Variants in PDE7B observed in about 807,000 individuals in gnomAD.
The protein encoded by PDE7B is 3',5'-cyclic-AMP phosphodiesterase 7B.
A neutral mutation model predicts 56.2 loss-of-function variants in PDE7B; 29 were observed. The observed-to-expected ratio is 0.52, with a 90% CI of 0.38 to 0.70. The LOEUF is 0.70. PDE7B is among the 30% of genes least tolerant of loss of function. PDE7B has a pLI of 0.00. For missense variants in PDE7B, 490 were observed against 565.0 expected, an observed-to-expected ratio of 0.87 and a Z score of 1.35; for synonymous variants, 197 against 196.9, an observed-to-expected ratio of 1.00 and a Z score of 0.00.
At chr6:136,056,077 AG>A (rs1776723395) in intron 2 of PDE7B, among the ~76,000 whole-genome samples, 1 of 152,184 alleles carries the variant, frequency 6.6e-6, no homozygotes, top group African/African-American at 2.4e-5. Flanking sequence ...ACAGAGAATG[AG>A]GGGAAACGTA....
intron 2 of PDE7B, among the ~76,000 whole-genome samples, chr6:136,083,788 C>G (rs1422570251): frequency 6.6e-6 from 1 of 152,106 alleles, no homozygotes; most frequent in East Asian, 1.9e-4. Flanking sequence ...TTGGGGCCTC[C>G]TCTCTCTGCT....
intron 4 of PDE7B, 78 bp from the exon 5 acceptor site, chr6:136,149,009 A>G: frequency 1.0e-6 from 1 of 998,778 alleles, no homozygotes; most frequent in Non-Finnish European, 1.6e-6. Flanking sequence ...TTAATTGTTT[A>G]ATCCACTATA....
At chr6:136,008,584 G>T (rs1775830222) in intron 2 of PDE7B, among the ~76,000 whole-genome samples, 1 of 152,232 alleles carries the variant, frequency 6.6e-6, no homozygotes, top group South Asian at 2.1e-4. Flanking sequence ...CTGATGGCCA[G>T]TGAGGATGAG....
At position 135,978,815 on chromosome 6, in the gene PDE7B, G is replaced by A. The variant is rs531301003; in HGVS notation, c.82+31291G>A. Among the ~76,000 whole-genome samples, 934 of 151,738 alleles carry A rather than the reference G, an allele frequency of 6.2e-3. 8 individuals carry two copies. Among genetic ancestry groups the A allele is most frequent in the African/African-American group, 0.021 (863 of 41,198 alleles). On this transcript the variant is annotated intron_variant, in intron 2 of 12. Coordinates refer to ENST00000308191, the MANE Select transcript of PDE7B (RefSeq NM_018945.4). ...GGTTTTCTAGATATACAATCATGTC[G>A]TCTGCAAACAGGGACAATTTGACTT...
intron 1 of PDE7B, among the ~76,000 whole-genome samples, chr6:135,864,839 T>C (rs990613176): frequency 1.3e-5 from 2 of 152,030 alleles, no homozygotes; most frequent in African/African-American, 2.4e-5. Flanking sequence ...ATGTGCACAA[T>C]GTGCAGGTTT....
At chr6:135,994,517 G>C (rs1250981469) in intron 2 of PDE7B, among the ~76,000 whole-genome samples, 3 of 152,114 alleles carry the variant, frequency 2.0e-5, no homozygotes, top group Non-Finnish European at 4.4e-5. Flanking sequence ...AATGGATTCA[G>C]AGTTAGAAAG....
intron 3 of PDE7B, among the ~76,000 whole-genome samples, chr6:136,139,755 G>A (rs1441260558): frequency 2.0e-5 from 3 of 152,198 alleles, no homozygotes. Flanking sequence ...TCTTTTGGCT[G>A]CATAAATGTC....
intron 11 of PDE7B, among the ~76,000 whole-genome samples, chr6:136,181,961 G>T (rs951361760): frequency 1.3e-5 from 2 of 152,174 alleles, no homozygotes; most frequent in African/African-American, 4.8e-5. Context: ...GTTGGGTGGG[G>T]TATCAACCTT....
At chr6:135,865,948 A>G (rs1298839044) in intron 1 of PDE7B, among the ~76,000 whole-genome samples, 2 of 152,182 alleles carry the variant, frequency 1.3e-5, no homozygotes, top group African/African-American at 2.4e-5. Context: ...GAAAACACAT[A>G]TAGTATTAAA....
intron 2 of PDE7B, among the ~76,000 whole-genome samples, chr6:135,958,396 T>C (rs1434341494): frequency 6.6e-6 from 1 of 152,202 alleles, no homozygotes; most frequent in African/African-American, 2.4e-5. Flanking sequence ...ACAATGTCAT[T>C]TTTAATTTTG....
chr6:135,852,955 G>T (rs1774964840), intron 1 of PDE7B, among the ~76,000 whole-genome samples: 1 of 152,160 alleles, frequency 6.6e-6, no homozygotes, highest in African/African-American at 2.4e-5. Flanking sequence ...AGGAAGATTG[G>T]CAATTCAATA....
At chr6:136,155,548 G>T in intron 7 of PDE7B, 79 bp from the exon 8 acceptor site, 1 of 1,188,980 alleles carries the variant, frequency 8.4e-7, no homozygotes, top group Non-Finnish European at 1.2e-6. Flanking sequence ...ATGATTCATT[G>T]TGTTTGATTT....
intron 2 of PDE7B, among the ~76,000 whole-genome samples, chr6:136,066,319 T>C (rs1216885412): frequency 2.0e-5 from 3 of 152,182 alleles, no homozygotes; most frequent in African/African-American, 7.2e-5. Flanking sequence ...GGTTTGGTCC[T>C]TTTAGAAGGC....
chr6:136,172,226 A>G (rs1287173422), intron 8 of PDE7B, among the ~76,000 whole-genome samples: 3 of 152,206 alleles, frequency 2.0e-5, no homozygotes, highest in African/African-American at 7.2e-5. Flanking sequence ...GACTTCCACA[A>G]GGGTTGAACT....
intron 9 of PDE7B, among the ~76,000 whole-genome samples, chr6:136,176,083 C>A (rs1221547778): frequency 6.6e-6 from 1 of 151,946 alleles, no homozygotes; most frequent in African/African-American, 2.4e-5. Context: ...CTGATCATTG[C>A]TATTTCTTTA....
chr6:136,121,459 G>T (rs967260510), intron 3 of PDE7B, among the ~76,000 whole-genome samples: 2 of 152,098 alleles, frequency 1.3e-5, no homozygotes, highest in Non-Finnish European at 2.9e-5. Context: ...AGACCAGAAA[G>T]CTAAAAATGT....
intron 2 of PDE7B, among the ~76,000 whole-genome samples, chr6:135,966,745 A>AT (rs1386858959): frequency 6.6e-6 from 1 of 152,102 alleles, no homozygotes; most frequent in Non-Finnish European, 1.5e-5. Context: ...ATCCCCTTTA[A>AT]TTTTACCTCC....
At chr6:135,935,712 A>C (rs979734375) in intron 1 of PDE7B, among the ~76,000 whole-genome samples, 15 of 152,200 alleles carry the variant, frequency 9.9e-5, no homozygotes, top group African/African-American at 3.6e-4. Context: ...GTACCAAAGC[A>C]GTGTATGACT....
chr6:135,961,145 T>C (rs913694054), intron 2 of PDE7B, among the ~76,000 whole-genome samples: 6 of 152,192 alleles, frequency 3.9e-5, no homozygotes, highest in Admixed American at 6.5e-5. Context: ...CGATTACCAC[T>C]ATAGTGTCTA....
Sources: gnomAD v4.1 joint callset for allele counts (sites outside exome capture counted in the v4.1 genomes callset) on GRCh38, gnomAD v4.1.1 for gene constraint, MANE v1.5 for transcripts, NCBI Gene and HGNC (gene_info 2026-07-23, HGNC 2026-07-21) for gene names.